OTUD7A: variants seen among roughly 807,000 people sequenced by gnomAD.
OTUD7A encodes the protein OTU domain-containing protein 7A.
A neutral mutation model predicts 65.7 loss-of-function variants in OTUD7A; 12 were observed. That is an observed-to-expected ratio of 0.18 (90% CI 0.12 to 0.30). OTUD7A has a LOEUF of 0.30. Ranked by LOEUF, OTUD7A falls within the 10% of genes least tolerant of loss-of-function variation. OTUD7A has a pLI of 1.00. For synonymous variants in OTUD7A, 641 were observed against 586.3 expected, an observed-to-expected ratio of 1.09 and a Z score of -1.35; for missense variants, 1,148 against 1,304.8, an observed-to-expected ratio of 0.88 and a Z score of 1.85.
intron 1 of OTUD7A, among the ~76,000 whole-genome samples, chr15:31,716,808 G>C (rs1466757113): frequency 6.6e-6 from 1 of 152,138 alleles, no homozygotes; most frequent in African/African-American, 2.4e-5. Flanking sequence ...GCTGCATGGG[G>C]AAGTCCCTGG....
intron 3 of OTUD7A, among the ~76,000 whole-genome samples, chr15:31,625,790 A>G (rs1200527855): frequency 1.3e-5 from 2 of 151,626 alleles, no homozygotes; most frequent in Non-Finnish European, 2.9e-5. Flanking sequence ...ATAAAAAAAC[A>G]AACTGTGGTA....
At chr15:31,751,202 G>C (rs2141384363) in intron 1 of OTUD7A, among the ~76,000 whole-genome samples, 1 of 151,664 alleles carries the variant, frequency 6.6e-6, no homozygotes, top group Non-Finnish European at 1.5e-5. Context: ...TAATCTATAA[G>C]GAATGCAAAC....
intron 3 of OTUD7A, among the ~76,000 whole-genome samples, chr15:31,632,541 G>A (rs572206768): frequency 2.5e-4 from 38 of 152,366 alleles, no homozygotes; most frequent in African/African-American, 8.2e-4. Flanking sequence ...CCACTTGGGG[G>A]TGCCTCCCAG....
rs76030867 is a variant in OTUD7A at position 31,801,279 on chromosome 15, G to A, written c.-100+69228C>T. The stretch of plus-strand genomic sequence containing the variant: ...GCCAGGTGCAAGGGCAGAGATAGGT[G>A]TACTACTCTCACAGGAGATGGCCTG... On this transcript the variant is annotated intron_variant, in intron 1 of 12. Coordinates refer to ENST00000307050, the MANE Select transcript of OTUD7A (RefSeq NM_001382637.1). Among the ~76,000 whole-genome samples, 18 of 152,366 alleles carry A rather than the reference G, an allele frequency of 1.2e-4. No individual in the cohort carries two copies. In the East Asian group the frequency reaches 3.5e-3, roughly 29 times the overall value.
intron 1 of OTUD7A, among the ~76,000 whole-genome samples, chr15:31,752,097 T>G (rs1894653067): frequency 6.6e-6 from 1 of 152,116 alleles, no homozygotes; most frequent in African/African-American, 2.4e-5. Flanking sequence ...CATATACAAA[T>G]AAAACACTGA....
chr15:31,570,679 A>T (rs1004736142), intron 3 of OTUD7A, among the ~76,000 whole-genome samples: 1 of 152,094 alleles, frequency 6.6e-6, no homozygotes, highest in African/African-American at 2.4e-5. Flanking sequence ...CTTGGGAGGG[A>T]TTCTCTTGTT....
At chr15:31,713,479 T>C (rs1595721636) in intron 1 of OTUD7A, among the ~76,000 whole-genome samples, 2 of 151,848 alleles carry the variant, frequency 1.3e-5, no homozygotes, top group South Asian at 4.2e-4. Context: ...ATTAGCCGAG[T>C]GTGGTGGTGG....
At position 31,477,773 on chromosome 15, in the gene OTUD7A, G is replaced by T. The variant is rs1329446304; in HGVS notation, c.*5521C>A. On this transcript the variant is annotated 3_prime_UTR_variant, in exon 13 of 13. Coordinates refer to ENST00000307050, the MANE Select transcript of OTUD7A (RefSeq NM_001382637.1). ...ACATATAAAAGTTCCTGCCCACATGGAGCTTACAGTCTATGGGAGATGGGG... is the reference window on the plus strand; with the variant it reads ...ACATATAAAAGTTCCTGCCCACATGTAGCTTACAGTCTATGGGAGATGGGG... 2 of 152,028 alleles carry T rather than the reference G, an allele frequency of 1.3e-5. No homozygotes were observed. Among genetic ancestry groups the T allele is most frequent in the African/African-American group, 4.8e-5 (2 of 41,358 alleles). The allele number at this position is 152,028 out of a possible 1,614,324, so 9.4% of individuals were successfully genotyped here.
At chr15:31,771,103 A>C (rs1432308526) in intron 1 of OTUD7A, among the ~76,000 whole-genome samples, 2 of 152,240 alleles carry the variant, frequency 1.3e-5, no homozygotes, top group African/African-American at 2.4e-5. Flanking sequence ...AAAGAAATAA[A>C]TCTCAACTGA....
chr15:31,795,764 C>T (rs1157145742), intron 1 of OTUD7A, among the ~76,000 whole-genome samples: 2 of 152,216 alleles, frequency 1.3e-5, no homozygotes, highest in African/African-American at 2.4e-5. Flanking sequence ...TGCCACTCCA[C>T]AGCTGGGTGA....
chr15:31,869,161 G>A (rs1036146015), intron 1 of OTUD7A, among the ~76,000 whole-genome samples: 15 of 152,160 alleles, frequency 9.9e-5, no homozygotes, highest in Non-Finnish European at 2.2e-4. Context: ...TAAAATAATG[G>A]AGTGTTGATC....
At chr15:31,811,347 G>C (rs575055380) in intron 1 of OTUD7A, among the ~76,000 whole-genome samples, 11 of 151,748 alleles carry the variant, frequency 7.2e-5, no homozygotes, top group African/African-American at 2.2e-4. Flanking sequence ...GTGTAAGTGC[G>C]TGTGTGTGTG....
intron 1 of OTUD7A, among the ~76,000 whole-genome samples, chr15:31,821,937 CTT>C (rs1188325521): frequency 6.6e-6 from 1 of 152,112 alleles, no homozygotes; most frequent in African/African-American, 2.4e-5. Context: ...GGTCAAGTGT[CTT>C]TTCTATTCGT....
intron 3 of OTUD7A, among the ~76,000 whole-genome samples, chr15:31,622,380 C>T (rs59718914): frequency 0.031 from 4,794 of 152,238 alleles, 248 homozygotes; most frequent in African/African-American, 0.11. Context: ...GTTCCATTCG[C>T]CCCCTCACTT....
At position 31,487,667 on chromosome 15, in the gene OTUD7A, A is replaced by G; in HGVS notation, c.1172-101T>C. On this transcript the variant is annotated intron_variant, in intron 10 of 12. Transcript: ENST00000307050. This position sits in a 1 kb window ranked among gnomAD's most constrained non-coding sequence, Gnocchi z 6.0. ...AGGTATCTGGGTGACAAATGCACCG[A>G]GTGGACATCTACACAGATCTGTGCC... 1 of 824,894 alleles carries G rather than the reference A, an allele frequency of 1.2e-6. No individual in the cohort carries two copies. The highest frequency in any genetic ancestry group is 1.9e-6 in the Non-Finnish European group (1 of 527,424). The allele number at this position is 824,894 out of a possible 1,614,324, so 51.1% of individuals were successfully genotyped here. A position where few individuals can be genotyped will look rare whatever the true frequency, so the allele number is the denominator to read the frequency against.
chr15:31,833,638 ATT>A (rs1434553150), intron 1 of OTUD7A, among the ~76,000 whole-genome samples: 9 of 152,358 alleles, frequency 5.9e-5, no homozygotes, highest in Middle Eastern at 3.4e-3. Context: ...AATAAAATGT[ATT>A]TAAGTCAATA....
intron 8 of OTUD7A, among the ~76,000 whole-genome samples, chr15:31,520,426 T>C (rs2041921827): frequency 6.6e-6 from 1 of 152,164 alleles, no homozygotes; most frequent in African/African-American, 2.4e-5. Flanking sequence ...CTATTTAGTG[T>C]TGGGAAAATT....
intron 3 of OTUD7A, among the ~76,000 whole-genome samples, chr15:31,622,344 T>C (rs574035636): frequency 1.4e-4 from 21 of 152,326 alleles, no homozygotes; most frequent in Admixed American, 1.2e-3. Flanking sequence ...TCCTGGATAA[T>C]ATCCTGCAGA....
intron 1 of OTUD7A, among the ~76,000 whole-genome samples, chr15:31,845,045 C>T (rs1446602851): frequency 2.0e-5 from 3 of 152,210 alleles, no homozygotes; most frequent in African/African-American, 4.8e-5. Context: ...CCTTCACAGT[C>T]GATAGGAGGC....
Sources: gnomAD v4.1 joint callset for allele counts (sites outside exome capture counted in the v4.1 genomes callset) on GRCh38, gnomAD v4.1.1 for gene constraint, Gnocchi (gnomAD v3.1) non-coding constraint, MANE v1.5 for transcripts, NCBI Gene and HGNC (gene_info 2026-07-23, HGNC 2026-07-21) for gene names.